Variants in MARCHF6 observed in about 807,000 individuals in gnomAD.
MARCHF6 encodes membrane associated ring-CH-type finger 6, also known as E3 ubiquitin-protein ligase MARCHF6.
A neutral mutation model predicts 133.7 loss-of-function variants in MARCHF6; 31 were observed. The ratio of observed to expected loss-of-function variants is 0.23; its 90% CI spans 0.17 to 0.31. The LOEUF is 0.31. Among genes scored for constraint, MARCHF6 ranks in the 10% least tolerant of loss-of-function variants. The pLI is 1.00. For missense variants in MARCHF6, 723 were observed against 1,121.6 expected, an observed-to-expected ratio of 0.64 and a Z score of 5.08; for synonymous variants, 395 against 402.5, an observed-to-expected ratio of 0.98 and a Z score of 0.22.
chr5:10,431,199 G>T (rs1740341165), intron 25 of MARCHF6, among the ~76,000 whole-genome samples: 1 of 152,146 alleles, frequency 6.6e-6, no homozygotes, highest in Admixed American at 6.5e-5. Flanking sequence ...GTACACTTAG[G>T]CAGTCAGAGT....
Position 10,425,771 on chromosome 5 carries a change from G to A in MARCHF6, c.2374-619G>A, listed in dbSNP as rs543119447. On this transcript the variant is annotated intron_variant, in intron 23 of 25. Coordinates refer to ENST00000274140, the MANE Select transcript of MARCHF6 (RefSeq NM_005885.4). ...TCCATCTAAATTTTCTGTTCCCAGG[G>A]TTTTCCCATTTCCATCCATTCTTTC... 2.0e-5 allele frequency among the ~76,000 whole-genome samples: 3 copies of A among 152,190 alleles called. No homozygotes were observed. The South Asian group carries it at 6.2e-4, about 32-fold the overall frequency.
At chr5:10,399,828 C>T (rs1025779184) in intron 10 of MARCHF6, among the ~76,000 whole-genome samples, 1 of 152,122 alleles carries the variant, frequency 6.6e-6, no homozygotes, top group Admixed American at 6.6e-5. Context: ...TTGCTTCCCC[C>T]AACTCACCCT....
chr5:10,409,866 A>G (rs894528144), intron 17 of MARCHF6, among the ~76,000 whole-genome samples: 1 of 152,132 alleles, frequency 6.6e-6, no homozygotes, highest in African/African-American at 2.4e-5. Flanking sequence ...CAAAGGAAGG[A>G]GTGACCTTTT....
At chr5:10,394,285 G>A (rs1293831827) in intron 8 of MARCHF6, 142 bp downstream of exon 8, 2 of 473,694 alleles carry the variant, frequency 4.2e-6, no homozygotes, top group Non-Finnish European at 7.2e-6. Flanking sequence ...TGAAAGTTAA[G>A]TGATATATTG....
At chr5:10,359,132 A>G (rs1735658805) in intron 1 of MARCHF6, among the ~76,000 whole-genome samples, 1 of 152,326 alleles carries the variant, frequency 6.6e-6, no homozygotes, top group Admixed American at 6.5e-5. Flanking sequence ...CATTTAGTGC[A>G]GTACCCTAAA....
Position 10,386,986 on chromosome 5 carries a change from T to C in MARCHF6, c.335-8T>C. On this transcript the variant is annotated splice_polypyrimidine_tract_variant and splice_region_variant and intron_variant, in intron 4 of 25. Coordinates refer to ENST00000274140, the MANE Select transcript of MARCHF6 (RefSeq NM_005885.4). ...GTGACTGTGTGCCATCATGCTCTTT[T>C]TCGGTAGGCCGCATCTACAAGTGCT... 3.7e-6 allele frequency: 6 copies of C among 1,612,334 alleles called. No homozygotes were observed. Among genetic ancestry groups the C allele is most frequent in the East Asian group, 2.2e-5 (1 of 44,872 alleles).
chr5:10,392,761 A>G (rs1433602236), intron 7 of MARCHF6, among the ~76,000 whole-genome samples: 1 of 151,784 alleles, frequency 6.6e-6, no homozygotes, highest in Non-Finnish European at 1.5e-5. Context: ...CTCAAGAAAA[A>G]AAAAAAAAGA....
intron 17 of MARCHF6, among the ~76,000 whole-genome samples, chr5:10,408,845 C>T (rs1440435995): frequency 1.3e-5 from 2 of 152,196 alleles, no homozygotes; most frequent in African/African-American, 4.8e-5. Flanking sequence ...GGCCATCATT[C>T]CATCCTTTAA....
intron 14 of MARCHF6, among the ~76,000 whole-genome samples, chr5:10,402,840 G>A (rs1738625527): frequency 6.6e-6 from 1 of 152,074 alleles, no homozygotes; most frequent in African/African-American, 2.4e-5. Context: ...TCTAATAGTG[G>A]AGGATTTTAT....
chr5:10,401,001 T>G (rs896778738), intron 11 of MARCHF6, 159 bp downstream of exon 11: 1 of 596,602 alleles, frequency 1.7e-6, no homozygotes, highest in Non-Finnish European at 2.9e-6. Context: ...AAAATAACAG[T>G]GGCTCAAGAG....
At chr5:10,376,408 C>T (rs1351146987) in intron 1 of MARCHF6, among the ~76,000 whole-genome samples, 4 of 152,030 alleles carry the variant, frequency 2.6e-5, no homozygotes, top group Non-Finnish European at 5.9e-5. Context: ...CACGTCCGAA[C>T]ATCAGAAGGA....
At position 10,413,011 on chromosome 5, in the gene MARCHF6, C is replaced by T. The variant is rs546552791; in HGVS notation, c.1897-1422C>T. 3.9e-5 allele frequency among the ~76,000 whole-genome samples: 6 copies of T among 152,242 alleles called. No homozygotes were observed. In the East Asian group the frequency reaches 7.7e-4, roughly 20 times the overall value. The stretch of plus-strand genomic sequence containing the variant: ...AAGAGGAGTGGTGGGAGATAACGCT[C>T]TTGAATGGGCAGGAACCAGATAATG... On this transcript the variant is annotated intron_variant, in intron 19 of 25. Coordinates refer to ENST00000274140, the MANE Select transcript of MARCHF6 (RefSeq NM_005885.4).
intron 7 of MARCHF6, among the ~76,000 whole-genome samples, chr5:10,392,735 C>T (rs897396671): frequency 2.6e-5 from 4 of 151,244 alleles, no homozygotes; most frequent in African/African-American, 9.8e-5. Context: ...GCCTGGGTGA[C>T]ACAGCAAGAT....
intron 16 of MARCHF6, 53 bp from the exon 17 acceptor site, chr5:10,407,049 G>T: frequency 1.0e-5 from 10 of 1,000,024 alleles, no homozygotes; most frequent in South Asian, 1.3e-5. Context: ...TGCCTGTCTT[G>T]CACAGGAGTG....
intron 1 of MARCHF6, among the ~76,000 whole-genome samples, chr5:10,371,200 T>G (rs1314068071): frequency 6.6e-6 from 1 of 152,222 alleles, no homozygotes; most frequent in Non-Finnish European, 1.5e-5. Flanking sequence ...TGCCTTCTCC[T>G]TAGTCTTGTG....
rs1021199159 is a variant in MARCHF6 at position 10,428,226 on chromosome 5, C to A, written c.2507-1667C>A. ...TTCCTTCTAAGTAGAAACTTCAAGG[C>A]TTTTATTTGGTTTGAATTGTGACTA... On this transcript the variant is annotated intron_variant, in intron 24 of 25. Transcript: ENST00000274140. 2.7e-5 allele frequency among the ~76,000 whole-genome samples: 4 copies of A among 150,918 alleles called. No individual in the cohort carries two copies. In the East Asian group the frequency reaches 7.8e-4, roughly 29 times the overall value.
intron 1 of MARCHF6, among the ~76,000 whole-genome samples, chr5:10,370,450 A>G (rs996080302): frequency 1.3e-5 from 2 of 152,154 alleles, no homozygotes; most frequent in Non-Finnish European, 2.9e-5. Context: ...AGTATATGTA[A>G]TAAAATTTAC....
intron 24 of MARCHF6, among the ~76,000 whole-genome samples, chr5:10,429,395 CTTT>C (rs571345405): frequency 1.4e-3 from 188 of 134,512 alleles, no homozygotes; most frequent in African/African-American, 4.4e-3. Context: ...CGTCCAGTTC[CTTT>C]TTTTTTTTTT....
In MARCHF6 at chr5:10,437,184, C is replaced by G. The variant is rs1740688021; in HGVS notation, c.*3500C>G. ...AACACTGGCGCTTTTTAAAACTTTC[C>G]AAGCTAGCTACTTATTTTCATTTTC... On this transcript the variant is annotated 3_prime_UTR_variant, in exon 26 of 26. Coordinates refer to ENST00000274140, the MANE Select transcript of MARCHF6 (RefSeq NM_005885.4). 1 of 152,246 alleles carries G rather than the reference C, an allele frequency of 6.6e-6. No homozygotes were observed. The highest frequency in any genetic ancestry group is 6.5e-5 in the Admixed American group (1 of 15,282). The allele number at this position is 152,246 out of a possible 1,614,324, so 9.4% of individuals were successfully genotyped here. A position where few individuals can be genotyped will look rare whatever the true frequency, so the allele number is the denominator to read the frequency against.
Sources: gnomAD v4.1 joint callset for allele counts (sites outside exome capture counted in the v4.1 genomes callset) on GRCh38, gnomAD v4.1.1 for gene constraint, MANE v1.5 for transcripts, NCBI Gene and HGNC (gene_info 2026-07-23, HGNC 2026-07-21) for gene names.